Variants in UTY observed in about 807,000 individuals in gnomAD.
UTY encodes the protein ubiquitously transcribed tetratricopeptide repeat containing, Y-linked, also known as histone demethylase UTY.
In UTY, 12 loss-of-function variants were observed where a neutral mutation model predicts 32.5. The observed-to-expected ratio is 0.37, with a 90% CI of 0.24 to 0.60. The LOEUF (loss-of-function observed/expected upper bound fraction) is 0.60. Ranked by LOEUF, UTY falls within the 20% of genes least tolerant of loss-of-function variation. UTY has a pLI of 0.69. For missense variants in UTY, 303 were observed against 299.2 expected, an observed-to-expected ratio of 1.01 and a Z score of -0.09; for synonymous variants, 131 against 103.4, an observed-to-expected ratio of 1.27 and a Z score of -1.62.
At chrY:13,268,570 T>C in intron 27 of UTY, among the ~76,000 whole-genome samples, 1 of 33,757 alleles carries the variant, frequency 3.0e-5, no homozygotes, top group African/African-American at 1.2e-4. Context: ...GTTCCCTTGC[T>C]GGTGAGGAGC....
chrY:13,250,354 G>A, intron 29 of UTY, among the ~76,000 whole-genome samples: 1 of 34,042 alleles, frequency 2.9e-5, no homozygotes, highest in African/African-American at 1.1e-4. Flanking sequence ...AATCAGTTAA[G>A]AGTGCGGCGC....
At chrY:13,358,713 G>A (rs774337789) in intron 13 of UTY, 94 bp from the exon 14 acceptor site, 1 of 185,952 alleles carries the variant, frequency 5.4e-6, no homozygotes, top group South Asian at 7.6e-5. Context: ...TCAACACTAT[G>A]CGGACATCAT....
chrY:13,401,899 G>C, intron 6 of UTY, among the ~76,000 whole-genome samples: 1 of 32,693 alleles, frequency 3.1e-5, no homozygotes, highest in African/African-American at 1.2e-4. Context: ...AAAATAACTT[G>C]CAAGATTACA....
At chrY:13,312,433 GAA>G (rs112332577) in intron 21 of UTY, among the ~76,000 whole-genome samples, 198 of 20,224 alleles carry the variant, frequency 9.8e-3, no homozygotes, top group Non-Finnish European at 0.019. Flanking sequence ...TCTGCTAGGA[GAA>G]AAAAAAAAAA....
intron 27 of UTY, among the ~76,000 whole-genome samples, chrY:13,296,280 G>C (rs768432371): frequency 2.9e-5 from 1 of 33,941 alleles, no homozygotes; most frequent in Admixed American, 2.6e-4. Context: ...CAATGCCCTG[G>C]CTTGTCCCTC....
At chrY:13,285,712 CA>C (rs2057317553) in intron 27 of UTY, among the ~76,000 whole-genome samples, 1 of 34,046 alleles carries the variant, frequency 2.9e-5, no homozygotes, top group Non-Finnish European at 7.3e-5. Context: ...ATAGGGTTTC[CA>C]AAGGCTGGCC....
intron 17 of UTY, among the ~76,000 whole-genome samples, chrY:13,352,163 C>A (rs2149188531): frequency 3.0e-5 from 1 of 33,211 alleles, no homozygotes; most frequent in Non-Finnish European, 7.4e-5. Context: ...CTTCAGACCT[C>A]CATATTCCTG....
At chrY:13,236,110 A>G in intron 28 of UTY, among the ~76,000 whole-genome samples, 1 of 33,162 alleles carries the variant, frequency 3.0e-5, no homozygotes, top group African/African-American at 1.2e-4. Flanking sequence ...AAGTAACTAA[A>G]GAATGAAGAG....
At chrY:13,339,662 A>G in intron 17 of UTY, among the ~76,000 whole-genome samples, 1 of 33,492 alleles carries the variant, frequency 3.0e-5, no homozygotes, top group Non-Finnish European at 7.4e-5. Flanking sequence ...AAGTGTGTGA[A>G]AGAGACGGTC....
chrY:13,480,429 C>T, upstream of UTY: 3 of 33,572 alleles, frequency 8.9e-5, no homozygotes, highest in Non-Finnish European at 1.5e-4. Context: ...CTTGCGAATG[C>T]GAGACCTTGC....
intron 9 of UTY, among the ~76,000 whole-genome samples, chrY:13,367,782 TATG>T (rs2064349759): frequency 6.0e-5 from 2 of 33,326 alleles, no homozygotes; most frequent in African/African-American, 2.3e-4. Context: ...CTATATTCTA[TATG>T]ATAACATATT....
At chrY:13,376,117 T>A in intron 8 of UTY, among the ~76,000 whole-genome samples, 1 of 33,236 alleles carries the variant, frequency 3.0e-5, no homozygotes, top group Non-Finnish European at 7.5e-5. Flanking sequence ...TCTCTTCATA[T>A]ATTTTCACCA....
chrY:13,302,298 C>A (rs942174580), intron 25 of UTY, among the ~76,000 whole-genome samples: 2 of 33,416 alleles, frequency 6.0e-5, no homozygotes, highest in African/African-American at 2.3e-4. Flanking sequence ...TAAAAACAAT[C>A]GTAAGTAAAA....
chrY:13,441,177 C>T (rs2075135399), intron 4 of UTY, among the ~76,000 whole-genome samples: 1 of 32,120 alleles, frequency 3.1e-5, no homozygotes, highest in African/African-American at 1.2e-4. Flanking sequence ...TATATTATAC[C>T]ATTATATATT....
At chrY:13,304,273 T>G in intron 24 of UTY, 1 of 84,364 alleles carries the variant, frequency 1.2e-5, no homozygotes, top group South Asian at 6.1e-5. Flanking sequence ...ATGCTACTTC[T>G]TAAGCTACTA....
At chrY:13,452,309 G>A in intron 3 of UTY, among the ~76,000 whole-genome samples, 1 of 32,805 alleles carries the variant, frequency 3.0e-5, no homozygotes, top group African/African-American at 1.2e-4. Flanking sequence ...TGAGGCGGAC[G>A]CTGCAGTGAG....
At chrY:13,342,576 C>A (rs1033628117) in intron 17 of UTY, among the ~76,000 whole-genome samples, 2 of 34,234 alleles carry the variant, frequency 5.8e-5, no homozygotes, top group African/African-American at 1.1e-4. Flanking sequence ...CCAAACTCCC[C>A]CAAGGATTTA....
At chrY:13,413,362 C>T (rs2071199273) in intron 5 of UTY, among the ~76,000 whole-genome samples, 1 of 33,978 alleles carries the variant, frequency 2.9e-5, no homozygotes, top group Non-Finnish European at 7.4e-5. Context: ...GGGTGGCTGC[C>T]CCATGTGACA....
chrY:13,354,947 T>C, intron 17 of UTY, 56 bp downstream of exon 17: 1 of 382,850 alleles, frequency 2.6e-6, no homozygotes. Flanking sequence ...GTACACAAAC[T>C]AAATAAAGAT....
Sources: allele counts gnomAD v4.1 joint callset (sites outside exome capture counted in the v4.1 genomes callset), GRCh38; gene constraint gnomAD v4.1.1; transcripts MANE v1.5; gene names NCBI Gene and HGNC (gene_info 2026-07-23, HGNC 2026-07-21).